The following ARID1A variants were observed in gnomAD, a reference collection of about 807,000 sequenced individuals.
The protein encoded by ARID1A is AT-rich interactive domain-containing protein 1A.
Under a neutral mutation model 212.6 loss-of-function variants are expected in ARID1A, and 20 were observed. The observed-to-expected ratio is 0.09, with a 90% CI of 0.07 to 0.14. The LOEUF (loss-of-function observed/expected upper bound fraction) is 0.14. ARID1A is among the 10% of genes least tolerant of loss of function. ARID1A has a pLI of 1.00. For missense variants in ARID1A, 2,587 were observed against 3,059.0 expected, an observed-to-expected ratio of 0.85 and a Z score of 3.64; for synonymous variants, 1,376 against 1,222.1, an observed-to-expected ratio of 1.13 and a Z score of -2.63.
At chr1:26,716,691 T>G (rs1437542357) in intron 1 of ARID1A, among the ~76,000 whole-genome samples, 3 of 152,104 alleles carry the variant, frequency 2.0e-5, no homozygotes, top group Non-Finnish European at 4.4e-5. Context: ...GGTGCAGTGG[T>G]CTCAGCTCAC....
intron 4 of ARID1A, among the ~76,000 whole-genome samples, chr1:26,745,906 C>T (rs1194841643): frequency 6.6e-6 from 1 of 152,108 alleles, no homozygotes; most frequent in Non-Finnish European, 1.5e-5. Context: ...ACAAAATTAG[C>T]CGGGCGTGGT....
rs2124123380 is a variant in ARID1A at position 26,775,115 on chromosome 1, G to A, written c.4888G>A (p.Val1630Met). 3.1e-6 allele frequency: 5 copies of A among 1,614,068 alleles called. No homozygotes were observed. The highest frequency in any genetic ancestry group is 4.2e-6 in the Non-Finnish European group (5 of 1,180,018). ...VPASHIAPAPVQPPMIRRDIT... is the reference protein window; with the variant it reads ...VPASHIAPAPMQPPMIRRDIT... ...TGCCTCGCACATAGCACCTGCCCCT[G>A]TGCAGCCCCCCATGATTCGGCGGGA... The change falls in exon 18 of 20, where the codon GTG becomes ATG. Residue 1630 changes from valine (V) to methionine (M), a missense_variant. Coordinates refer to ENST00000324856, the MANE Select transcript of ARID1A (RefSeq NM_006015.6).
In ARID1A at chr1:26,696,907, C is replaced by T. The variant is rs536109738; in HGVS notation, c.504C>T (p.Val168=). Residue 168 remains valine, a synonymous_variant, in exon 1 of 20, where the codon GTC becomes GTT. Coordinates refer to ENST00000324856, the MANE Select transcript of ARID1A (RefSeq NM_006015.6). ...CCGTCGCCGCCGCCGCGGCCGCCGTCTTCCACCAACAACATGGCGGACAAC... is the reference window on the plus strand; with the variant it reads ...CCGTCGCCGCCGCCGCGGCCGCCGTTTTCCACCAACAACATGGCGGACAAC... ...PSAVAAAAAA[V]FHQQHGGQQS... 51 of 1,395,082 alleles carry T rather than the reference C, an allele frequency of 3.7e-5. No individual in the cohort carries two copies. The African/African-American group carries it at 6.0e-4, about 16-fold the overall frequency. 86.4% of individuals were successfully genotyped at this position (1,395,082 alleles called of 1,614,324 possible).
rs2124140807 is a variant in ARID1A at position 26,779,496 on chromosome 1, G to T, written c.5598G>T (p.Leu1866=). 6.2e-7 allele frequency: 1 copy of T among 1,614,106 alleles called. No individual in the cohort carries two copies. Among genetic ancestry groups the T allele is most frequent in the Non-Finnish European group, 8.5e-7 (1 of 1,180,020 alleles). ...QTHFESKTEL[L]PSRPHAPCPP... ...ACTTCGAGAGCAAGACAGAGCTGCT[G>T]CCTTCCCGGCCTCACGCACCCTGCC... The change falls in exon 20 of 20, where the codon CTG becomes CTT. Residue 1866 remains leucine, a synonymous_variant. Transcript: ENST00000324856.
intron 1 of ARID1A, among the ~76,000 whole-genome samples, chr1:26,716,137 C>T (rs750032166): frequency 2.8e-4 from 41 of 146,810 alleles, no homozygotes; most frequent in Non-Finnish European, 5.3e-4. Context: ...ACCCGGGAGG[C>T]AGAGGTTGCA....
chr1:26,728,369 A>C (rs1326842884), intron 1 of ARID1A, among the ~76,000 whole-genome samples: 1 of 152,232 alleles, frequency 6.6e-6, no homozygotes, highest in Non-Finnish European at 1.5e-5. Context: ...TTAAAAAACA[A>C]ACACGTACAG....
In ARID1A at chr1:26,739,844, CT is replaced by C. The variant is rs1237538777; in HGVS notation, c.1920+7053del. On this transcript the variant is annotated intron_variant, in intron 4 of 19. Transcript: ENST00000324856. ...TTTTTGCTTTTGAATCTGGTTTCCC[CT>C]CTCTTTCTCCACTGCCTTTTGTTTT... 5.1e-4 allele frequency among the ~76,000 whole-genome samples: 77 copies of C among 152,170 alleles called. 1 individual carries two copies. The highest frequency in any genetic ancestry group is 3.2e-4 in the Non-Finnish European group (22 of 67,996).
chr1:26,737,494 C>A (rs756904794), intron 4 of ARID1A, among the ~76,000 whole-genome samples: 3 of 152,190 alleles, frequency 2.0e-5, no homozygotes, highest in Non-Finnish European at 2.9e-5. Flanking sequence ...CAGTACCTAT[C>A]ATGTGATGCC....
chr1:26,772,579 A>C lies in ARID1A; in HGVS notation c.3486A>C (p.Pro1162=), dbSNP rs1203528674. The change falls in exon 13 of 20, where the codon CCA becomes CCC. Residue 1162 remains proline, a synonymous_variant. Transcript: ENST00000324856. ...SSMAEGGDLK[P]PTPASTPHSQ... is the part of the protein sequence containing the mutation. ...TGGCAGAAGGAGGAGACTTAAAGCC[A>C]CCAACTCCAGCATCCACACCACACA... 2 of 1,614,220 alleles carry C rather than the reference A, an allele frequency of 1.2e-6. No individual in the cohort carries two copies. The highest frequency in any genetic ancestry group is 1.7e-6 in the Non-Finnish European group (2 of 1,180,038).
chr1:26,774,400 G>A lies in ARID1A; in HGVS notation c.4173G>A (p.Val1391=), dbSNP rs1294165091. 3 of 1,604,732 alleles carry A rather than the reference G, an allele frequency of 1.9e-6. No homozygotes were observed. Among genetic ancestry groups the A allele is most frequent in the Admixed American group, 1.7e-5 (1 of 58,990 alleles). ...AKRHEGEMYS[V]PYSTGQGQPQ... ...GGCACGAAGGGGAGATGTACAGCGTGCCATACAGCACTGGGCAGGGGCAGC... is the reference window on the plus strand; with the variant it reads ...GGCACGAAGGGGAGATGTACAGCGTACCATACAGCACTGGGCAGGGGCAGC... The change falls in exon 18 of 20, where the codon GTG becomes GTA. Residue 1391 remains valine, a synonymous_variant. Transcript: ENST00000324856. This position sits in a 1 kb window ranked among gnomAD's most constrained non-coding sequence, Gnocchi z 5.6.
intron 1 of ARID1A, among the ~76,000 whole-genome samples, chr1:26,711,596 A>G (rs1027817703): frequency 2.0e-5 from 3 of 152,232 alleles, no homozygotes; most frequent in Non-Finnish European, 2.9e-5. Context: ...ACAGGAGAAG[A>G]AAGAAAATAC....
At chr1:26,713,338 T>C (rs1469356145) in intron 1 of ARID1A, among the ~76,000 whole-genome samples, 1 of 151,908 alleles carries the variant, frequency 6.6e-6, no homozygotes, top group Non-Finnish European at 1.5e-5. Context: ...AGTTTCAGAC[T>C]AACATCATTT....
intron 1 of ARID1A, among the ~76,000 whole-genome samples, chr1:26,727,370 C>G (rs1160837784): frequency 2.0e-5 from 3 of 152,054 alleles, no homozygotes; most frequent in Non-Finnish European, 4.4e-5. Context: ...ACATAATAAG[C>G]CACTAGCCAC....
chr1:26,732,637 A>C (rs770850901), intron 3 of ARID1A, 39 bp from the exon 4 acceptor site: 4 of 1,483,116 alleles, frequency 2.7e-6, no homozygotes, highest in Non-Finnish European at 3.8e-6. Context: ...CTGGTTTATC[A>C]ATACCAGGCC....
chr1:26,704,460 T>C (rs1355888503), intron 1 of ARID1A, among the ~76,000 whole-genome samples: 1 of 152,174 alleles, frequency 6.6e-6, no homozygotes, highest in Non-Finnish European at 1.5e-5. Flanking sequence ...AGCTGGGAGC[T>C]GTGTTCAAGT....
chr1:26,696,396 CG>C lies in ARID1A; in HGVS notation c.-4del. On this transcript the variant is annotated 5_prime_UTR_variant, in exon 1 of 20. Transcript: ENST00000324856. ...CCGGGTCTCTCCGCGGACGAGACAGCGGGGATCATGGCCGCGCAGGTCGCCC... is the reference window on the plus strand; with the variant it reads ...CCGGGTCTCTCCGCGGACGAGACAGCGGGATCATGGCCGCGCAGGTCGCCC... 1 of 1,270,000 alleles carries C rather than the reference CG, an allele frequency of 7.9e-7. No homozygotes were observed. Among genetic ancestry groups the C allele is most frequent in the Non-Finnish European group, 9.9e-7 (1 of 1,011,310 alleles). The allele number at this position is 1,270,000 out of a possible 1,614,324, so 78.7% of individuals were successfully genotyped here. A position where few individuals can be genotyped will look rare whatever the true frequency, so the allele number is the denominator to read the frequency against.
At chr1:26,753,934 G>A (rs2080906535) in intron 4 of ARID1A, among the ~76,000 whole-genome samples, 1 of 152,128 alleles carries the variant, frequency 6.6e-6, no homozygotes, top group Non-Finnish European at 1.5e-5. Flanking sequence ...AGCCTCCCGA[G>A]TAGCTGGGAC....
At chr1:26,728,478 G>T (rs2080640409) in intron 1 of ARID1A, among the ~76,000 whole-genome samples, 1 of 152,118 alleles carries the variant, frequency 6.6e-6, no homozygotes, top group African/African-American at 2.4e-5. Flanking sequence ...ATTAATTATT[G>T]AATAATAGAA....
chr1:26,729,567 A>T (rs533782698), intron 1 of ARID1A, 84 bp from the exon 2 acceptor site: 6 of 1,485,710 alleles, frequency 4.0e-6, no homozygotes, highest in South Asian at 1.2e-5. Flanking sequence ...CATACAGACT[A>T]AAAAAACCTG....
Sources: gnomAD v4.1 joint callset for allele counts (sites outside exome capture counted in the v4.1 genomes callset) on GRCh38, gnomAD v4.1.1 for gene constraint, Gnocchi (gnomAD v3.1) non-coding constraint, MANE v1.5 for transcripts, NCBI Gene and HGNC (gene_info 2026-07-23, HGNC 2026-07-21) for gene names.